ASH1L: variants seen among roughly 807,000 people sequenced by gnomAD.
ASH1L encodes ASH1 like histone lysine methyltransferase, also known as histone-lysine N-methyltransferase ASH1L.
ASH1L carries 23 observed loss-of-function variants against 269.0 expected under a neutral mutation model. That is an observed-to-expected ratio of 0.09 (90% CI 0.06 to 0.12). ASH1L has a LOEUF of 0.12. ASH1L is among the 10% of genes least tolerant of loss of function. ASH1L has a pLI of 1.00. For missense variants in ASH1L, 2,912 were observed against 3,567.8 expected (o/e 0.82, Z 4.68); for synonymous variants, 1,187 against 1,253.5 (o/e 0.95, Z 1.12).
intron 20 of ASH1L, 95 bp downstream of exon 20, chr1:155,347,547 GTTCATAAACAGTCT>G: frequency 7.0e-7 from 1 of 1,421,732 alleles, no homozygotes; most frequent in Non-Finnish European, 9.7e-7. Flanking sequence ...CTAAGTTACA[GTTCATAAACAGTCT>G]TTCAAGCCAA....
At chr1:155,365,329 C>T (rs1655311217) in intron 12 of ASH1L, among the ~76,000 whole-genome samples, 1 of 151,886 alleles carries the variant, frequency 6.6e-6, no homozygotes, top group Non-Finnish European at 1.5e-5. Context: ...CCTCAGCCTC[C>T]TGAGTAGCTG....
At chr1:155,410,624 G>A (rs1258398453) in intron 6 of ASH1L, among the ~76,000 whole-genome samples, 2 of 152,064 alleles carry the variant, frequency 1.3e-5, no homozygotes, top group Non-Finnish European at 2.9e-5. Flanking sequence ...ACAGGCGTGA[G>A]CAATCGCACC....
chr1:155,460,856 C>T (rs185381017), intron 3 of ASH1L, among the ~76,000 whole-genome samples: 61 of 152,116 alleles, frequency 4.0e-4, no homozygotes, highest in Admixed American at 6.5e-4. Context: ...TTAGCAAAAC[C>T]GCAAATCTAT....
Position 155,405,529 on chromosome 1 carries a change from T to C in ASH1L, c.6009-9976A>G, listed in dbSNP as rs188198348. 1.3e-3 allele frequency among the ~76,000 whole-genome samples: 202 copies of C among 151,924 alleles called. 1 individual carries two copies. The highest frequency in any genetic ancestry group is 4.4e-3 in the African/African-American group (184 of 41,444). On this transcript the variant is annotated intron_variant, in intron 6 of 27. Transcript: ENST00000392403. ...ACAACAACAAACACTGTTAAAAGTT[T>C]TGGTTAAAGATCAAAATAGGTCGGG...
At chr1:155,380,156 A>G in intron 7 of ASH1L, 40 bp from the exon 8 acceptor site, 1 of 1,473,168 alleles carries the variant, frequency 6.8e-7, no homozygotes, top group Non-Finnish European at 9.5e-7. Flanking sequence ...ACCTTTTCTA[A>G]TATTTGCTTA....
intron 2 of ASH1L, among the ~76,000 whole-genome samples, chr1:155,515,437 TAAAC>T (rs1208006301): frequency 2.6e-5 from 4 of 152,184 alleles, no homozygotes; most frequent in African/African-American, 9.7e-5. Flanking sequence ...GCTACAGGAT[TAAAC>T]AAACTGATTT....
chr1:155,463,424 A>G (rs1664444994), intron 3 of ASH1L, among the ~76,000 whole-genome samples: 1 of 152,176 alleles, frequency 6.6e-6, no homozygotes, highest in Non-Finnish European at 1.5e-5. Flanking sequence ...ATCCAAAAAC[A>G]ATTTTATAAA....
In ASH1L at chr1:155,347,690, T is replaced by A. The variant is rs778092682; in HGVS notation, c.7769A>T (p.Asp2590Val). 1 of 1,614,168 alleles carries A rather than the reference T, an allele frequency of 6.2e-7. No individual in the cohort carries two copies. The highest frequency in any genetic ancestry group is 8.5e-7 in the Non-Finnish European group (1 of 1,180,026). The change falls in exon 20 of 28, where the codon GAT becomes GTT. Residue 2590 changes from aspartate (D) to valine (V), a missense_variant. Asp to Val is a radical substitution (Grantham distance 152). Around this residue, in one of 13 missense-constraint regions of ASH1L, gnomAD observed 309 missense variants for 435.1 expected, o/e 0.71. Transcript: ENST00000392403. ...VIRCICGLYK[D>V]EGLMIQCDKC... The stretch of plus-strand genomic sequence containing the variant: ...GTCACACTGGATCATGAGACCTTCA[T>A]CCTTGTAGAGGCCACAGATACAGCG...
chr1:155,549,658 G>A (rs1671064508), intron 1 of ASH1L, among the ~76,000 whole-genome samples: 1 of 150,886 alleles, frequency 6.6e-6, no homozygotes, highest in Non-Finnish European at 1.5e-5. Flanking sequence ...AAGTATACAA[G>A]ATGATACACA....
chr1:155,357,686 T>G lies in ASH1L; in HGVS notation c.6859A>C (p.Asn2287His). ...GIIGGKSQRV[N>H]GLTSSKNSQP... ...CTGTTTTTGCTGCTGGTGAGTCCAT[T>G]CACACGCTGACTCTTGCCTCCGATG... Residue 2287 changes from asparagine (N) to histidine (H), a missense_variant, in exon 14 of 28, where the codon AAT (asparagine) becomes CAT (histidine). Asn to His is a moderately conservative substitution (Grantham distance 68). Coordinates refer to ENST00000392403, the MANE Select transcript of ASH1L (RefSeq NM_018489.3). 6.2e-7 allele frequency: 1 copy of G among 1,614,178 alleles called. No homozygotes were observed.
intron 1 of ASH1L, among the ~76,000 whole-genome samples, chr1:155,524,318 G>A (rs540557083): frequency 2.6e-5 from 4 of 151,516 alleles, no homozygotes; most frequent in East Asian, 3.9e-4. Context: ...TCAGGAGATC[G>A]AGACCATCCT....
At chr1:155,562,890 C>A (rs1387016563), upstream of ASH1L, 1 of 452,542 alleles carries the variant, frequency 2.2e-6, no homozygotes, top group African/African-American at 2.0e-5. Context: ...CCGCCGCCGC[C>A]GCCGCCAGCC....
chr1:155,385,843 G>A (rs1373296774), intron 7 of ASH1L, among the ~76,000 whole-genome samples: 1 of 152,162 alleles, frequency 6.6e-6, no homozygotes, highest in Non-Finnish European at 1.5e-5. Context: ...AAACCTGAGT[G>A]TTGGGGGATG....
intron 7 of ASH1L, among the ~76,000 whole-genome samples, chr1:155,390,616 G>C (rs1657832151): frequency 6.7e-6 from 1 of 148,560 alleles, no homozygotes; most frequent in East Asian, 2.0e-4. Flanking sequence ...AAAGATATCT[G>C]TAGTTAATAT....
chr1:155,507,125 A>G (rs1479995146), intron 2 of ASH1L, among the ~76,000 whole-genome samples: 1 of 152,118 alleles, frequency 6.6e-6, no homozygotes, highest in Non-Finnish European at 1.5e-5. Flanking sequence ...TATTAAAAAT[A>G]CAAAATTAGC....
At chr1:155,508,505 G>A (rs1667958653) in intron 2 of ASH1L, among the ~76,000 whole-genome samples, 1 of 152,056 alleles carries the variant, frequency 6.6e-6, no homozygotes, top group African/African-American at 2.4e-5. Context: ...CAGACATGAT[G>A]GCATTCACCT....
rs1464862281 is a variant in ASH1L, at chr1:155,438,364, GCTT to G, written c.5788_5790del (p.Lys1930del). On this transcript the variant is annotated inframe_deletion, in exon 5 of 28. Transcript: ENST00000392403. The stretch of plus-strand genomic sequence containing the variant: ...TCTTGCTCTTCTTCCTCTGGTAATG[GCTT>G]CTGCTTTTTTCTGGTCTGTTCTTCC... 1 of 1,589,444 alleles carries G rather than the reference GCTT, an allele frequency of 6.3e-7. No individual in the cohort carries two copies. Among genetic ancestry groups the G allele is most frequent in the African/African-American group, 1.4e-5 (1 of 73,518 alleles).
chr1:155,473,492 A>ATTTTTTTTT (rs774259211), intron 3 of ASH1L, among the ~76,000 whole-genome samples: 1 of 127,746 alleles, frequency 7.8e-6, no homozygotes, highest in Non-Finnish European at 1.7e-5. Context: ...TAGTATTTCT[A>ATTTTTTTTT]TTTTTTTTTT....
intron 16 of ASH1L, 49 bp downstream of exon 16, chr1:155,354,424 C>T (rs774653086): frequency 1.9e-6 from 3 of 1,561,312 alleles, no homozygotes; most frequent in Non-Finnish European, 2.6e-6. Context: ...GTCTGGGCAA[C>T]AAGAGTGAAA....
Sources: allele counts gnomAD v4.1 joint callset (sites outside exome capture counted in the v4.1 genomes callset), GRCh38; gene constraint gnomAD v4.1.1; regional missense constraint gnomAD v4.1.1; transcripts MANE v1.5; gene names NCBI Gene and HGNC (gene_info 2026-07-23, HGNC 2026-07-21).